CHST8: variants seen among roughly 807,000 people sequenced by gnomAD.
The protein encoded by CHST8 is carbohydrate sulfotransferase 8, also known as GALNAC-4-ST1.
Under a neutral mutation model 15.0 loss-of-function variants are expected in CHST8, and 10 were observed. That is an observed-to-expected ratio of 0.67 (90% CI 0.41 to 1.13). The LOEUF (loss-of-function observed/expected upper bound fraction) is 1.13, where lower values mean the gene tolerates loss of function less well. Among genes scored for constraint, CHST8 ranks in the 50% most tolerant of loss-of-function variants. The probability of loss-of-function intolerance (pLI) is 0.00; values close to 1 mark genes in which losing one functional copy is unlikely to be tolerated. For synonymous variants in CHST8, 259 were observed against 256.6 expected, an observed-to-expected ratio of 1.01 and a Z score of -0.09; for missense variants, 634 against 608.2, an observed-to-expected ratio of 1.04 and a Z score of -0.45.
At chr19:33,757,719 G>T (rs1974631913) in intron 3 of CHST8, among the ~76,000 whole-genome samples, 1 of 151,786 alleles carries the variant, frequency 6.6e-6, no homozygotes, top group Non-Finnish European at 1.5e-5. Context: ...CTCAGGTTTG[G>T]TGTCTTTTTT....
chr19:33,645,482 T>C (rs1972341567), intron 1 of CHST8, among the ~76,000 whole-genome samples: 4 of 152,140 alleles, frequency 2.6e-5, no homozygotes, highest in Admixed American at 1.3e-4. Flanking sequence ...ATTCTAGATA[T>C]ATTTGAAGGC....
At chr19:33,720,249 C>T (rs1248473404) in intron 3 of CHST8, among the ~76,000 whole-genome samples, 10 of 151,780 alleles carry the variant, frequency 6.6e-5, no homozygotes, top group African/African-American at 9.7e-5. Flanking sequence ...CCCATACACA[C>T]GCCACACATA....
chr19:33,712,922 G>A (rs9941472), intron 3 of CHST8, among the ~76,000 whole-genome samples: 40,548 of 152,020 alleles, frequency 0.27, 6,867 homozygotes, highest in African/African-American at 0.48. Flanking sequence ...TTTCAGGGAC[G>A]TGCTGTCAAA....
rs1599585346 is a variant in CHST8 at position 33,722,122 on chromosome 19, T to C, written c.130+32731T>C. ...ATGGATGGATGGATGAAGGGATGGATGGATAGATGAATGGATGGATGGACA... is the reference window on the plus strand; with the variant it reads ...ATGGATGGATGGATGAAGGGATGGACGGATAGATGAATGGATGGATGGACA... On this transcript the variant is annotated intron_variant, in intron 3 of 4. Transcript: ENST00000650847. 1.4e-5 allele frequency among the ~76,000 whole-genome samples: 2 copies of C among 143,832 alleles called. 1 individual carries two copies. The highest frequency in any genetic ancestry group is 3.0e-5 in the Non-Finnish European group (2 of 66,204). 94.4% of individuals were successfully genotyped at this position (143,832 alleles called of 152,430 possible). A position where few individuals can be genotyped will look rare whatever the true frequency, so the allele number is the denominator to read the frequency against.
chr19:33,713,238 T>A (rs924787405), intron 3 of CHST8, among the ~76,000 whole-genome samples: 5 of 152,188 alleles, frequency 3.3e-5, no homozygotes, highest in African/African-American at 1.2e-4. Context: ...TGCTTCTCGC[T>A]ACCCACAGCA....
At chr19:33,687,143 C>G (rs539874574) in intron 2 of CHST8, among the ~76,000 whole-genome samples, 2 of 152,252 alleles carry the variant, frequency 1.3e-5, no homozygotes, top group African/African-American at 4.8e-5. Flanking sequence ...GGGCTGGCCC[C>G]GGTGGGGCTG....
intron 2 of CHST8, among the ~76,000 whole-genome samples, chr19:33,682,188 T>TTG (rs1491328532): frequency 1.3e-5 from 1 of 74,326 alleles, no homozygotes; most frequent in African/African-American, 6.7e-5. Context: ...TTTGTTGTTG[T>TTG]TTTTTTTTTT....
chr19:33,678,945 C>T (rs992853317), intron 2 of CHST8, among the ~76,000 whole-genome samples: 2 of 152,262 alleles, frequency 1.3e-5, no homozygotes, highest in African/African-American at 2.4e-5. Flanking sequence ...TCTCTTCATT[C>T]GCCACACATT....
chr19:33,687,887 T>G, intron 2 of CHST8, among the ~76,000 whole-genome samples: 1 of 152,084 alleles, frequency 6.6e-6, no homozygotes, highest in East Asian at 1.9e-4. Context: ...GAGATGTCCT[T>G]GGGCCGAGCA....
At chr19:33,745,719 C>T (rs1476439310) in intron 3 of CHST8, among the ~76,000 whole-genome samples, 1 of 152,238 alleles carries the variant, frequency 6.6e-6, no homozygotes, top group Non-Finnish European at 1.5e-5. Context: ...GATATTCCCA[C>T]AGAATTGACC....
intron 1 of CHST8, among the ~76,000 whole-genome samples, chr19:33,662,159 C>T (rs573021610): frequency 5.3e-4 from 80 of 152,296 alleles, no homozygotes; most frequent in African/African-American, 1.9e-3. Context: ...CGGCTCACTG[C>T]AGCCTCAGCT....
In CHST8 at chr19:33,664,546, G is replaced by C. The variant is rs531822398; in HGVS notation, c.-163-3221G>C. Among the ~76,000 whole-genome samples, 9 of 147,944 alleles carry C rather than the reference G, an allele frequency of 6.1e-5. No individual in the cohort carries two copies. In the South Asian group the frequency reaches 1.9e-3, roughly 32 times the overall value. On this transcript the variant is annotated intron_variant, in intron 1 of 4. Coordinates refer to ENST00000650847, the MANE Select transcript of CHST8 (RefSeq NM_001127895.2). Reference sequence around the variant, plus strand: ...CTGTGAGTGAGAACATGCGGTGTTTGGTTTTTTGGGATTTTCATTTTTATT... The same window carrying C: ...CTGTGAGTGAGAACATGCGGTGTTTCGTTTTTTGGGATTTTCATTTTTATT...
intron 3 of CHST8, among the ~76,000 whole-genome samples, chr19:33,751,289 C>A (rs1974416212): frequency 6.6e-6 from 1 of 152,200 alleles, no homozygotes; most frequent in Admixed American, 6.5e-5. Flanking sequence ...GAGCCACCCT[C>A]CCGCTGTTCA....
intron 3 of CHST8, among the ~76,000 whole-genome samples, chr19:33,736,182 G>C (rs552386777): frequency 1.6e-4 from 25 of 152,208 alleles, no homozygotes; most frequent in Non-Finnish European, 3.4e-4. Flanking sequence ...ACTGAGAAAG[G>C]AGGCCAGGGG....
rs368755309 is a variant in CHST8, at chr19:33,652,830, A to AT, written c.-163-14931dup. On this transcript the variant is annotated intron_variant, in intron 1 of 4. Coordinates refer to ENST00000650847, the MANE Select transcript of CHST8 (RefSeq NM_001127895.2). ...TGCTGGTTTGGAAGTTACACATTCT[A>AT]TTTTTTATTCTCCCAGTGTTTACCT... 3.1e-3 allele frequency among the ~76,000 whole-genome samples: 476 copies of AT among 152,184 alleles called. 4 individuals are homozygous for AT. Among genetic ancestry groups the AT allele is most frequent in the African/African-American group, 0.011 (453 of 41,516 alleles).
chr19:33,772,154 G>T lies in CHST8; in HGVS notation c.366G>T (p.Ala122=). 2 of 1,604,214 alleles carry T rather than the reference G, an allele frequency of 1.2e-6. No homozygotes were observed. Among genetic ancestry groups the T allele is most frequent in the Non-Finnish European group, 1.7e-6 (2 of 1,176,352 alleles). Residue 122 remains alanine, a synonymous_variant, in exon 5 of 5, where the codon GCG becomes GCT. Transcript: ENST00000650847. ...RRLLIKKMPA[A]ATIPANSSDA... is the part of the protein sequence containing the mutation. ...TGCTCATCAAGAAAATGCCAGCTGC[G>T]GCGACCATCCCGGCCAACAGCTCGG...
chr19:33,622,385 C>T (rs1271067740), intron 1 of CHST8, 89 bp downstream of exon 1: 1 of 152,058 alleles, frequency 6.6e-6, no homozygotes, highest in Admixed American at 6.5e-5. Context: ...CCCGAGCGGG[C>T]CCCGGACTGC....
At chr19:33,651,372 T>TA (rs34648209) in intron 1 of CHST8, among the ~76,000 whole-genome samples, 43,159 of 151,652 alleles carry the variant, frequency 0.28, 7,611 homozygotes, top group African/African-American at 0.48. Flanking sequence ...CTTTTAAACT[T>TA]AAAAAAAAGC....
chr19:33,713,936 G>GA (rs887120104), intron 3 of CHST8, among the ~76,000 whole-genome samples: 1 of 152,096 alleles, frequency 6.6e-6, no homozygotes, highest in African/African-American at 2.4e-5. Flanking sequence ...CAGGGCTGGG[G>GA]GCAAGAACAG....
Sources: allele counts gnomAD v4.1 joint callset (sites outside exome capture counted in the v4.1 genomes callset), GRCh38; gene constraint gnomAD v4.1.1; transcripts MANE v1.5; gene names NCBI Gene and HGNC (gene_info 2026-07-23, HGNC 2026-07-21).